Variants in C1QTNF3 observed in about 807,000 individuals in gnomAD.
C1QTNF3 encodes the protein complement C1q tumor necrosis factor-related protein 3.
A neutral mutation model predicts 32.6 loss-of-function variants in C1QTNF3; 26 were observed. That is an observed-to-expected ratio of 0.80 (90% CI 0.58 to 1.11). The LOEUF (loss-of-function observed/expected upper bound fraction) is 1.11. C1QTNF3 is among the 50% of genes least tolerant of loss of function. The probability of loss-of-function intolerance (pLI) is 0.00; values close to 1 mark genes in which losing one functional copy is unlikely to be tolerated. For missense variants in C1QTNF3, 362 were observed against 398.2 expected (o/e 0.91, Z 0.77); for synonymous variants, 155 against 146.0 (o/e 1.06, Z -0.44).
At chr5:34,177,740 G>A in the C1QTNF3 span, among the ~76,000 whole-genome samples, 4 of 151,620 alleles carry the variant, frequency 2.6e-5, no homozygotes, top group Admixed American at 2.0e-4. Flanking sequence ...ACCCACCTCA[G>A]CCTCCCAAAG....
At chr5:34,113,569 A>T in the C1QTNF3 span, among the ~76,000 whole-genome samples, 6 of 152,220 alleles carry the variant, frequency 3.9e-5, no homozygotes, top group Non-Finnish European at 8.8e-5. Context: ...ACTATTTATT[A>T]AAAATGATAT....
chr5:34,147,668 G>A, the C1QTNF3 span, among the ~76,000 whole-genome samples: 10 of 151,772 alleles, frequency 6.6e-5, no homozygotes, highest in Non-Finnish European at 1.5e-5. Flanking sequence ...CTACTAGATG[G>A]GGTAGAAAAA....
At chr5:34,177,482 T>TC in the C1QTNF3 span, among the ~76,000 whole-genome samples, 1 of 133,854 alleles carries the variant, frequency 7.5e-6, no homozygotes, top group African/African-American at 2.8e-5. Context: ...ATACCCAACT[T>TC]TTTTTTTTTT....
the C1QTNF3 span, among the ~76,000 whole-genome samples, chr5:34,225,922 C>CA: frequency 0.28 from 41,724 of 150,936 alleles, 6,070 homozygotes; most frequent in East Asian, 0.53. Context: ...TATTTGAATG[C>CA]AAAAAAATAA....
chr5:34,057,008 T>C, the C1QTNF3 span, among the ~76,000 whole-genome samples: 1 of 152,154 alleles, frequency 6.6e-6, no homozygotes, highest in Non-Finnish European at 1.5e-5. Flanking sequence ...AAACTTTGGG[T>C]TCCCTTTAAA....
chr5:34,121,946 A>T, the C1QTNF3 span, among the ~76,000 whole-genome samples: 1,022 of 152,310 alleles, frequency 6.7e-3, 14 homozygotes, highest in African/African-American at 0.023. Flanking sequence ...AAGTAGGCTG[A>T]CCCTCACCAG....
At chr5:34,138,899 C>G in the C1QTNF3 span, among the ~76,000 whole-genome samples, 1 of 151,898 alleles carries the variant, frequency 6.6e-6, no homozygotes, top group Non-Finnish European at 1.5e-5. Flanking sequence ...AATTTACAGA[C>G]AAAAGGTTCA....
chr5:34,195,250 T>G, the C1QTNF3 span, among the ~76,000 whole-genome samples: 7 of 152,326 alleles, frequency 4.6e-5, no homozygotes, highest in Non-Finnish European at 8.8e-5. Context: ...TTAATGTCAA[T>G]ATGTGAAATA....
the C1QTNF3 span, among the ~76,000 whole-genome samples, chr5:34,103,167 A>AT: frequency 6.6e-6 from 1 of 151,850 alleles, no homozygotes; most frequent in South Asian, 2.1e-4. Context: ...GACAATTAAA[A>AT]TTTTTTCAGT....
At chr5:34,225,780 G>T in the C1QTNF3 span, among the ~76,000 whole-genome samples, 1 of 151,582 alleles carries the variant, frequency 6.6e-6, no homozygotes. Context: ...CTATCTTTAT[G>T]GTGACAAATC....
At chr5:34,021,104 T>C (rs1435157051) in intron 5 of C1QTNF3, among the ~76,000 whole-genome samples, 1 of 152,230 alleles carries the variant, frequency 6.6e-6, no homozygotes, top group African/African-American at 2.4e-5. Flanking sequence ...AAGAAAGTTA[T>C]ATTATGTTTG....
the C1QTNF3 span, among the ~76,000 whole-genome samples, chr5:34,077,649 T>C: frequency 6.6e-6 from 1 of 151,692 alleles, no homozygotes; most frequent in Non-Finnish European, 1.5e-5. Context: ...TAATGACTAT[T>C]ATGACTAATA....
the C1QTNF3 span, among the ~76,000 whole-genome samples, chr5:34,084,088 T>A: frequency 4.6e-4 from 70 of 151,888 alleles, 4 homozygotes; most frequent in African/African-American, 1.6e-3. Flanking sequence ...TTTATTACAG[T>A]CCCTGTAATG....
chr5:34,028,773 T>G lies in C1QTNF3; in HGVS notation c.681A>C (p.Arg227Ser). The G allele has an allele frequency of 6.2e-7, 1 of 1,608,500 alleles. No homozygotes were observed. The highest frequency in any genetic ancestry group is 8.5e-7 in the Non-Finnish European group (1 of 1,177,062). The change falls in exon 4 of 6, where the codon AGA becomes AGC. Residue 227 changes from arginine (R) to serine (S), a missense_variant. By Grantham distance (110) the Arg-to-Ser change is moderately radical. Coordinates refer to ENST00000382065, the MANE Select transcript of C1QTNF3 (RefSeq NM_181435.6). Reference protein sequence around the residue: ...IGNFFDVMTGRFGAPVSGVYF... With the variant: ...IGNFFDVMTGSFGAPVSGVYF... The stretch of plus-strand genomic sequence containing the variant: ...TCTCACCTGATACTGGGGCCCCAAA[T>G]CTACCAGTCATGACATCAAAGAAGT...
upstream of C1QTNF3, among the ~76,000 whole-genome samples, chr5:34,044,278 A>G (rs939606210): frequency 6.6e-6 from 1 of 152,198 alleles, no homozygotes; most frequent in African/African-American, 2.4e-5. Flanking sequence ...GTCATCAAAA[A>G]TTGCTTCTAT....
At chr5:34,074,916 C>T in the C1QTNF3 span, among the ~76,000 whole-genome samples, 1 of 151,686 alleles carries the variant, frequency 6.6e-6, no homozygotes, top group Non-Finnish European at 1.5e-5. Flanking sequence ...TGTTGGAAAG[C>T]TGGAGGAATT....
the C1QTNF3 span, among the ~76,000 whole-genome samples, chr5:34,222,330 T>C: frequency 6.6e-6 from 1 of 152,000 alleles, no homozygotes; most frequent in African/African-American, 2.4e-5. Flanking sequence ...TAAATGGTTG[T>C]ATTTGGTTGA....
the C1QTNF3 span, among the ~76,000 whole-genome samples, chr5:34,139,548 T>C: frequency 2.5e-4 from 38 of 152,290 alleles, no homozygotes; most frequent in African/African-American, 8.9e-4. Flanking sequence ...GAAAATATCC[T>C]TTGATAAAGT....
At chr5:34,236,172 TA>T in the C1QTNF3 span, among the ~76,000 whole-genome samples, 3 of 152,172 alleles carry the variant, frequency 2.0e-5, no homozygotes, top group Non-Finnish European at 4.4e-5. Context: ...TAATATAAAG[TA>T]TATAAGAATG....
Sources: gnomAD v4.1 joint callset for allele counts (sites outside exome capture counted in the v4.1 genomes callset) on GRCh38, gnomAD v4.1.1 for gene constraint, MANE v1.5 for transcripts, NCBI Gene and HGNC (gene_info 2026-07-23, HGNC 2026-07-21) for gene names.